Variants in SEMA3A observed in about 807,000 individuals in gnomAD.
SEMA3A encodes semaphorin 3A.
A neutral mutation model predicts 97.9 loss-of-function variants in SEMA3A; 29 were observed. The observed-to-expected ratio is 0.30, with a 90% CI of 0.22 to 0.40. The LOEUF is 0.40. Ranked by LOEUF, SEMA3A falls within the 10% of genes least tolerant of loss-of-function variation. The probability of loss-of-function intolerance (pLI) is 1.00; values close to 1 mark genes in which losing one functional copy is unlikely to be tolerated. For missense variants in SEMA3A, 763 were observed against 951.3 expected, an observed-to-expected ratio of 0.80 and a Z score of 2.60; for synonymous variants, 321 against 323.7, an observed-to-expected ratio of 0.99 and a Z score of 0.09.
intron 15 of SEMA3A, among the ~76,000 whole-genome samples, chr7:83,974,603 G>A (rs1789062342): frequency 6.6e-6 from 1 of 152,014 alleles, no homozygotes; most frequent in Non-Finnish European, 1.5e-5. Flanking sequence ...AGTAAGGCTG[G>A]GCTCCGGATT....
intron 4 of SEMA3A, among the ~76,000 whole-genome samples, chr7:84,063,315 G>A (rs992230302): frequency 8.7e-5 from 13 of 149,772 alleles, no homozygotes; most frequent in African/African-American, 1.5e-4. Flanking sequence ...CACAAAGATG[G>A]GGAAAAAACA....
intron 1 of SEMA3A, among the ~76,000 whole-genome samples, chr7:84,423,760 G>A (rs1033414612): frequency 2.2e-4 from 33 of 151,574 alleles, no homozygotes; most frequent in African/African-American, 7.3e-4. Flanking sequence ...TACATCCAAC[G>A]AAGGAATAAC....
chr7:83,960,834 T>G lies in SEMA3A; in HGVS notation c.*537A>C, dbSNP rs938276455. On this transcript the variant is annotated 3_prime_UTR_variant, in exon 17 of 17. Transcript: ENST00000265362. ...TGATGGATGGCTTATGTTTTTTTTT[T>G]TTTTTAATATTTCCACAGAACATTT... 3 of 154,142 alleles carry G rather than the reference T, an allele frequency of 1.9e-5. No individual in the cohort carries two copies. The highest frequency in any genetic ancestry group is 7.2e-5 in the African/African-American group (3 of 41,404). 9.5% of individuals were successfully genotyped at this position (154,142 alleles called of 1,614,324 possible).
intron 3 of SEMA3A, among the ~76,000 whole-genome samples, chr7:84,212,767 G>A (rs1798662126): frequency 1.3e-5 from 2 of 152,130 alleles, no homozygotes; most frequent in Admixed American, 1.3e-4. Flanking sequence ...CTAGTTGGTA[G>A]CTGGAGTATA....
In SEMA3A at chr7:84,091,600, T is replaced by C. The variant is rs558308883; in HGVS notation, c.453+18870A>G. ...CTAGGTTATCTACATTTGATCACAGTATTCCTTTGAGGTAAAACAATATAA... is the reference window on the plus strand; with the variant it reads ...CTAGGTTATCTACATTTGATCACAGCATTCCTTTGAGGTAAAACAATATAA... On this transcript the variant is annotated intron_variant, in intron 4 of 16. Transcript: ENST00000265362. 4.6e-5 allele frequency among the ~76,000 whole-genome samples: 7 copies of C among 152,260 alleles called. No individual in the cohort carries two copies. The South Asian group carries it at 1.5e-3, about 32-fold the overall frequency.
At chr7:83,967,428 T>G (rs1788743825) in intron 15 of SEMA3A, among the ~76,000 whole-genome samples, 1 of 152,170 alleles carries the variant, frequency 6.6e-6, no homozygotes, top group Non-Finnish European at 1.5e-5. Flanking sequence ...ATAACCTTAT[T>G]AAGTTCTTCA....
In SEMA3A at chr7:84,145,451, T is replaced by G. The variant is rs145558351; in HGVS notation, c.113-10500A>C. Among the ~76,000 whole-genome samples, 958 of 152,210 alleles carry G rather than the reference T, an allele frequency of 6.3e-3. 8 individuals are homozygous for G. The highest frequency in any genetic ancestry group is 0.027 in the Middle Eastern group (8 of 292). On this transcript the variant is annotated intron_variant, in intron 1 of 16. Transcript: ENST00000265362. ...AACAAAAATTTAGAAAAAGTAAATA[T>G]AAAAATATCTAAGAAAAAGCAAATG...
At chr7:83,999,942 C>T (rs1224416563) in intron 12 of SEMA3A, among the ~76,000 whole-genome samples, 1 of 149,046 alleles carries the variant, frequency 6.7e-6, no homozygotes, top group Non-Finnish European at 1.5e-5. Context: ...CATACTGGGG[C>T]ACCTCACTTT....
chr7:84,390,366 A>ATTATTATTATTC (rs1027960164), intron 1 of SEMA3A, among the ~76,000 whole-genome samples: 50 of 146,602 alleles, frequency 3.4e-4, no homozygotes, highest in African/African-American at 1.2e-3. Context: ...TATTATTATT[A>ATTATTATTATTC]TAGCAGCTGG....
chr7:84,003,976 A>AT lies in SEMA3A; in HGVS notation c.1360+1362dup, dbSNP rs1790559574. Among the ~76,000 whole-genome samples, 4 of 152,260 alleles carry AT rather than the reference A, an allele frequency of 2.6e-5. No individual in the cohort carries two copies. The South Asian group carries it at 8.3e-4, about 32-fold the overall frequency. On this transcript the variant is annotated intron_variant, in intron 11 of 16. Coordinates refer to ENST00000265362, the MANE Select transcript of SEMA3A (RefSeq NM_006080.3). ...ACCTGACACTGTTACACCTGATAAC[A>AT]TAAGTATTTCACAATTTTGTTATAA... is the stretch of plus-strand genomic sequence containing the variant.
chr7:83,964,772 A>G (rs1788604105), intron 15 of SEMA3A, among the ~76,000 whole-genome samples: 1 of 152,326 alleles, frequency 6.6e-6, no homozygotes, highest in Middle Eastern at 3.4e-3. Context: ...AAGAAATAAT[A>G]TTTAACTGAT....
At chr7:83,983,501 A>C (rs1307067053) in intron 13 of SEMA3A, among the ~76,000 whole-genome samples, 2 of 152,034 alleles carry the variant, frequency 1.3e-5, no homozygotes, top group African/African-American at 4.8e-5. Flanking sequence ...TATTACCTAA[A>C]TAACAGTATC....
At chr7:84,464,910 A>T (rs181275436) in intron 1 of SEMA3A, among the ~76,000 whole-genome samples, 172 of 152,280 alleles carry the variant, frequency 1.1e-3, no homozygotes, top group Middle Eastern at 0.01. Context: ...ATACGTTTAA[A>T]GTAGGAAGAA....
At chr7:84,298,100 T>C (rs1036784550) in intron 3 of SEMA3A, among the ~76,000 whole-genome samples, 7 of 152,138 alleles carry the variant, frequency 4.6e-5, no homozygotes, top group African/African-American at 1.7e-4. Flanking sequence ...CCTAGAAATA[T>C]GGCCATAAAG....
intron 15 of SEMA3A, among the ~76,000 whole-genome samples, chr7:83,965,666 ATTTTTTTTTTTTTTT>A (rs1181530901): frequency 2.5e-4 from 3 of 11,788 alleles, no homozygotes; most frequent in South Asian, 8.1e-3. Flanking sequence ...ATATATATAT[ATTTTTTTTTTTTTTT>A]TTTTTTTTTT....
intron 1 of SEMA3A, among the ~76,000 whole-genome samples, chr7:84,478,406 T>C (rs552970066): frequency 5.3e-5 from 8 of 152,284 alleles, no homozygotes; most frequent in African/African-American, 1.9e-4. Context: ...TAAAATTACA[T>C]ACAAAACTTT....
At chr7:84,341,898 T>A (rs796447717) in intron 2 of SEMA3A, among the ~76,000 whole-genome samples, 2 of 152,290 alleles carry the variant, frequency 1.3e-5, no homozygotes, top group African/African-American at 4.8e-5. Context: ...TAGGAGTTTA[T>A]GCCCCTCACG....
At chr7:84,192,917 A>G (rs1333224201) in intron 1 of SEMA3A, among the ~76,000 whole-genome samples, 5 of 151,952 alleles carry the variant, frequency 3.3e-5, no homozygotes, top group African/African-American at 9.7e-5. Flanking sequence ...TGGACCATCA[A>G]CTTAGACTTA....
intron 3 of SEMA3A, among the ~76,000 whole-genome samples, chr7:84,260,164 C>G (rs1197448905): frequency 6.6e-6 from 1 of 152,106 alleles, no homozygotes; most frequent in African/African-American, 2.4e-5. Context: ...ATCATTTAAG[C>G]GTGGTATATC....
Sources: gnomAD v4.1 joint callset for allele counts (sites outside exome capture counted in the v4.1 genomes callset) on GRCh38, gnomAD v4.1.1 for gene constraint, MANE v1.5 for transcripts, NCBI Gene and HGNC (gene_info 2026-07-23, HGNC 2026-07-21) for gene names.